The following MROH1 variants were observed in gnomAD, a reference collection of about 807,000 sequenced individuals.
MROH1 encodes maestro heat-like repeat-containing protein family member 1.
Under a neutral mutation model 116.5 loss-of-function variants are expected in MROH1, and 117 were observed. The ratio of observed to expected loss-of-function variants is 1.00; its 90% CI spans 0.86 to 1.17. The LOEUF is 1.17. MROH1 is among the 50% of genes most tolerant of loss of function. The pLI is 0.00. For missense variants in MROH1, 1,873 were observed against 1,338.5 expected, an observed-to-expected ratio of 1.40 and a Z score of -6.23; for synonymous variants, 921 against 583.9, an observed-to-expected ratio of 1.58 and a Z score of -8.32.
At chr8:144,227,515 C>T (rs571502791) in intron 14 of MROH1, among the ~76,000 whole-genome samples, 3 of 152,012 alleles carry the variant, frequency 2.0e-5, no homozygotes, top group Non-Finnish European at 4.4e-5. Context: ...TATGGTGGCA[C>T]ATACCTGTAG....
intron 1 of MROH1, among the ~76,000 whole-genome samples, 182 bp downstream of exon 1, chr8:144,148,258 C>T (rs1422653009): frequency 6.6e-6 from 1 of 152,120 alleles, no homozygotes; most frequent in Admixed American, 6.5e-5. Context: ...GGGACCTCGG[C>T]TCAGGTGTGC....
chr8:144,181,413 G>A (rs1245104636), intron 7 of MROH1, among the ~76,000 whole-genome samples: 1 of 151,788 alleles, frequency 6.6e-6, no homozygotes, highest in African/African-American at 2.4e-5. Context: ...AGACTGCAGG[G>A]TTGGTTTGGA....
intron 4 of MROH1, among the ~76,000 whole-genome samples, chr8:144,170,998 AAC>A (rs1822291418): frequency 6.6e-6 from 1 of 152,234 alleles, no homozygotes; most frequent in South Asian, 2.1e-4. Flanking sequence ...CGCAACAATC[AAC>A]ACAGAAGATT....
Position 144,239,637 on chromosome 8 carries a change from A to C in MROH1, c.1656A>C (p.Leu552=). 1 of 771,114 alleles carries C rather than the reference A, an allele frequency of 1.3e-6. No individual in the cohort carries two copies. Among genetic ancestry groups the C allele is most frequent in the Non-Finnish European group, 2.4e-6 (1 of 413,968 alleles). 47.8% of individuals were successfully genotyped at this position (771,114 alleles called of 1,614,324 possible). Residue 552 remains leucine, a synonymous_variant, in exon 18 of 44, where the codon CTA becomes CTC. Coordinates refer to ENST00000326134, the MANE Select transcript of MROH1 (RefSeq NM_032450.3). ...AGGTTGTGTCTTCCAGCCCCTACCT[A>C]GGGGACGGACGTGGGGCAGCGGCGC... ...RLLVVSSSPY[L]GDGRGAAALR...
At chr8:144,172,949 A>G (rs1206310122) in intron 4 of MROH1, among the ~76,000 whole-genome samples, 2 of 152,178 alleles carry the variant, frequency 1.3e-5, no homozygotes, top group Non-Finnish European at 2.9e-5. Flanking sequence ...GGCACAGAAT[A>G]AACCTTGTTA....
At position 144,243,179 on chromosome 8, in the gene MROH1, G is replaced by A. The variant is rs986362221; in HGVS notation, c.2353-315G>A. 2.1e-4 allele frequency among the ~76,000 whole-genome samples: 32 copies of A among 152,348 alleles called. No individual in the cohort carries two copies. The South Asian group carries it at 6.0e-3, about 29-fold the overall frequency. On this transcript the variant is annotated intron_variant, in intron 24 of 43. Transcript: ENST00000326134. ...TCTCCTGCGGTGGCTGGGAGGGCGG[G>A]GCTGTTCTGAGAGGTTCTTCTCCCA...
At chr8:144,246,843 A>G (rs1842002007) in intron 29 of MROH1, among the ~76,000 whole-genome samples, 1 of 152,228 alleles carries the variant, frequency 6.6e-6, no homozygotes, top group Non-Finnish European at 1.5e-5. Flanking sequence ...TGGGAGGAGC[A>G]GGACTGAGGA....
chr8:144,249,360 T>C (rs1409593538), intron 32 of MROH1, among the ~76,000 whole-genome samples: 1 of 152,158 alleles, frequency 6.6e-6, no homozygotes, highest in Non-Finnish European at 1.5e-5. Context: ...ATGTTTCCCT[T>C]AGCCCACAGG....
In MROH1 at chr8:144,254,883, C is replaced by A; in HGVS notation, c.3499C>A (p.Leu1167Met). The A allele has an allele frequency of 1.3e-6, 1 of 778,246 alleles. No individual in the cohort carries two copies. Among genetic ancestry groups the A allele is most frequent in the Non-Finnish European group, 2.4e-6 (1 of 417,566 alleles). The allele number at this position is 778,246 out of a possible 1,614,324, so 48.2% of individuals were successfully genotyped here. The change falls in exon 34 of 44, where the codon CTG becomes ATG. Residue 1167 changes from leucine to methionine, a missense_variant. Coordinates refer to ENST00000326134, the MANE Select transcript of MROH1 (RefSeq NM_032450.3). ...AGCTGCCCAGGTCCTGGGGCTGCTG[C>A]TGGAGAAGATGAGTAGGGACGTCCC... ...RLAAQVLGLLLEKMSRDVPFK... is the reference protein window; with the variant it reads ...RLAAQVLGLLMEKMSRDVPFK...
intron 1 of MROH1, among the ~76,000 whole-genome samples, chr8:144,151,743 A>G (rs1018726590): frequency 5.3e-5 from 8 of 152,230 alleles, no homozygotes; most frequent in Admixed American, 5.2e-4. Context: ...CTGGGGCTTC[A>G]GGTGTAAACA....
chr8:144,205,164 A>G (rs7837966), intron 12 of MROH1, among the ~76,000 whole-genome samples: 16,426 of 152,218 alleles, frequency 0.11, 1,944 homozygotes, highest in African/African-American at 0.29. Context: ...TACTGGGATT[A>G]CAGGCGTGAG....
In MROH1 at chr8:144,247,454, G is replaced by A. The variant is rs2133079502; in HGVS notation, c.3007+18G>A. ...CTATGAGGGTGAGCCCTCGTCAGGA[G>A]TGTGGGGGCCAGTGGTCGTGCAGGG... On this transcript the variant is annotated intron_variant, in intron 30 of 43. Transcript: ENST00000326134. 5 of 769,494 alleles carry A rather than the reference G, an allele frequency of 6.5e-6. No homozygotes were observed. The highest frequency in any genetic ancestry group is 1.7e-5 in the Admixed American group (1 of 57,474). The allele number at this position is 769,494 out of a possible 1,614,324, so 47.7% of individuals were successfully genotyped here.
At chr8:144,230,000 C>G (rs1057133969) in intron 14 of MROH1, among the ~76,000 whole-genome samples, 8 of 151,920 alleles carry the variant, frequency 5.3e-5, no homozygotes, top group Middle Eastern at 3.2e-3. Context: ...CGCCACTGCA[C>G]TCTAGCCTGG....
At chr8:144,245,658 TTC>T (rs1205352661) in intron 29 of MROH1, among the ~76,000 whole-genome samples, 1 of 152,324 alleles carries the variant, frequency 6.6e-6, no homozygotes, top group East Asian at 1.9e-4. Context: ...AGGCTTTCTT[TTC>T]TCTCTCTTTT....
At chr8:144,181,351 G>A (rs1269449819) in intron 7 of MROH1, among the ~76,000 whole-genome samples, 1 of 111,776 alleles carries the variant, frequency 8.9e-6, no homozygotes, top group East Asian at 2.4e-4. Context: ...CCCGGGCAGG[G>A]CATGTTTTCG....
intron 4 of MROH1, chr8:144,175,063 T>C: frequency 6.1e-6 from 6 of 985,448 alleles, no homozygotes; most frequent in Non-Finnish European, 7.2e-6. Context: ...TAGCTAAAGA[T>C]GGAAGCATAA....
Position 144,242,644 on chromosome 8 carries a change from A to G in MROH1, c.2352+16A>G. 3.8e-6 allele frequency: 3 copies of G among 779,222 alleles called. No individual in the cohort carries two copies. The highest frequency in any genetic ancestry group is 3.4e-5 in the Admixed American group (2 of 58,756). 48.3% of individuals were successfully genotyped at this position (779,222 alleles called of 1,614,324 possible). On this transcript the variant is annotated intron_variant, in intron 24 of 43. Transcript: ENST00000326134. ...AGAAACCAAGGTACAGTGTGTAGGA[A>G]TTAAGTGCTGGACTGGCTTCTCTCC...
rs1840526998 is a variant in MROH1 at position 144,239,106 on chromosome 8, G to A, written c.1518G>A (p.Arg506=). 3 of 775,734 alleles carry A rather than the reference G, an allele frequency of 3.9e-6. No homozygotes were observed. Among genetic ancestry groups the A allele is most frequent in the African/African-American group, 1.7e-5 (1 of 59,248 alleles). The allele number at this position is 775,734 out of a possible 1,614,324, so 48.1% of individuals were successfully genotyped here. A position where few individuals can be genotyped will look rare whatever the true frequency, so the allele number is the denominator to read the frequency against. ...CTGGGGCCCTGACTCCGCTCTGCAG[G>A]AGCCTCGTGCATCTGGCGCAGAAGA... ...RFTGALTPLC[R]SLVHLAQKRQ... is the part of the protein sequence containing the mutation. The change falls in exon 16 of 44, where the codon AGG becomes AGA. Residue 506 remains arginine, a synonymous_variant. Coordinates refer to ENST00000326134, the MANE Select transcript of MROH1 (RefSeq NM_032450.3).
intron 33 of MROH1, among the ~76,000 whole-genome samples, chr8:144,254,163 T>C (rs1843295632): frequency 6.6e-6 from 1 of 152,228 alleles, no homozygotes; most frequent in African/African-American, 2.4e-5. Context: ...CTGAAATTTT[T>C]TTATCTTCCT....
Sources: gnomAD v4.1 joint callset for allele counts (sites outside exome capture counted in the v4.1 genomes callset) on GRCh38, gnomAD v4.1.1 for gene constraint, MANE v1.5 for transcripts, NCBI Gene and HGNC (gene_info 2026-07-23, HGNC 2026-07-21) for gene names.